CDK17: variants seen among roughly 807,000 people sequenced by gnomAD.
The protein encoded by CDK17 is cyclin-dependent kinase 17.
CDK17 carries 24 observed loss-of-function variants against 77.6 expected under a neutral mutation model. That is an observed-to-expected ratio of 0.31 (90% CI 0.22 to 0.44). CDK17 has a LOEUF of 0.44. Ranked by LOEUF, CDK17 falls within the 20% of genes least tolerant of loss-of-function variation. CDK17 has a pLI of 1.00. For missense variants in CDK17, 429 were observed against 622.5 expected, an observed-to-expected ratio of 0.69 and a Z score of 3.31; for synonymous variants, 203 against 210.4, an observed-to-expected ratio of 0.96 and a Z score of 0.30.
In CDK17 at chr12:96,282,566, C is replaced by T. The variant is rs1450802570; in HGVS notation, c.1399G>A (p.Ala467Thr). 6.2e-7 allele frequency: 1 copy of T among 1,612,720 alleles called. No homozygotes were observed. Among genetic ancestry groups the T allele is most frequent in the Non-Finnish European group, 8.5e-7 (1 of 1,178,776 alleles). Residue 467 changes from alanine (A) to threonine (T), a missense_variant, in exon 15 of 17, where the codon GCC (alanine) becomes ACC (threonine). Ala to Thr is a moderately conservative substitution (Grantham distance 58, BLOSUM62 0). Transcript: ENST00000261211. The stretch of plus-strand genomic sequence containing the variant: ...CTTCGAAAGTACACATGTTTCATGG[C>T]CTCTTCAGCTGAAACCCTTTTCTTA... ...ESKKRVSAEEAMKHVYFRSLG... is the reference protein window; with the variant it reads ...ESKKRVSAEETMKHVYFRSLG...
At chr12:96,300,914 C>T (rs190152704) in intron 5 of CDK17, among the ~76,000 whole-genome samples, 1 of 139,624 alleles carries the variant, frequency 7.2e-6, no homozygotes, top group South Asian at 2.2e-4. Context: ...ACACAGTTAA[C>T]ATTCTGTCAT....
intron 6 of CDK17, 140 bp downstream of exon 6, chr12:96,300,164 T>C (rs756554363): frequency 8.9e-5 from 56 of 627,990 alleles, no homozygotes; most frequent in Non-Finnish European, 1.5e-4. Flanking sequence ...AGAAACTCTG[T>C]TACCTTTCCA....
intron 3 of CDK17, among the ~76,000 whole-genome samples, chr12:96,319,320 CAA>C (rs1453376691): frequency 8.0e-6 from 1 of 124,822 alleles, no homozygotes; most frequent in African/African-American, 3.1e-5. Context: ...GTTTACCAAC[CAA>C]AAAGAGTCCA....
chr12:96,293,275 G>A (rs1952351809), intron 10 of CDK17, among the ~76,000 whole-genome samples: 1 of 152,112 alleles, frequency 6.6e-6, no homozygotes, highest in Admixed American at 6.5e-5. Flanking sequence ...CCGGCTTCAA[G>A]TGATCCTCTC....
intron 1 of CDK17, among the ~76,000 whole-genome samples, chr12:96,370,243 A>C (rs1439883978): frequency 6.6e-6 from 1 of 152,176 alleles, no homozygotes; most frequent in Non-Finnish European, 1.5e-5. Context: ...TATTGCTTTA[A>C]TTTATTTGGT....
At chr12:96,340,901 G>A (rs1372259107) in intron 1 of CDK17, among the ~76,000 whole-genome samples, 1 of 152,066 alleles carries the variant, frequency 6.6e-6, no homozygotes, top group Non-Finnish European at 1.5e-5. Context: ...GAGGTAAACT[G>A]CATATATGGG....
At chr12:96,369,863 G>A (rs766645856) in intron 1 of CDK17, among the ~76,000 whole-genome samples, 7 of 152,172 alleles carry the variant, frequency 4.6e-5, no homozygotes, top group Non-Finnish European at 5.9e-5. Flanking sequence ...GGCGGATCAC[G>A]AGGTCAGGAG....
intron 1 of CDK17, among the ~76,000 whole-genome samples, chr12:96,381,159 A>G (rs972484207): frequency 2.6e-5 from 4 of 152,190 alleles, no homozygotes; most frequent in Non-Finnish European, 2.9e-5. Context: ...GATGCTCTCT[A>G]AGCCTTCTGA....
At chr12:96,383,519 A>T (rs1454627096) in intron 1 of CDK17, among the ~76,000 whole-genome samples, 1 of 152,188 alleles carries the variant, frequency 6.6e-6, no homozygotes. Flanking sequence ...ACTTAAAACT[A>T]AACTGTAGGG....
At chr12:96,379,956 C>A (rs747963835) in intron 1 of CDK17, among the ~76,000 whole-genome samples, 1 of 151,752 alleles carries the variant, frequency 6.6e-6, no homozygotes, top group Non-Finnish European at 1.5e-5. Flanking sequence ...ATCGCTTGAG[C>A]CAAGGAGTTT....
intron 1 of CDK17, among the ~76,000 whole-genome samples, chr12:96,374,745 C>T (rs759419717): frequency 3.3e-5 from 5 of 152,164 alleles, no homozygotes; most frequent in Non-Finnish European, 5.9e-5. Flanking sequence ...GGGCTGAATA[C>T]CAGTCAAGCA....
intron 1 of CDK17, among the ~76,000 whole-genome samples, chr12:96,397,601 TTGTAAA>T (rs1954192498): frequency 6.6e-6 from 1 of 152,190 alleles, no homozygotes; most frequent in African/African-American, 2.4e-5. Context: ...TTTTTTCTCA[TTGTAAA>T]TGTAATGTGA....
At chr12:96,283,770 G>T in intron 13 of CDK17, 125 bp from the exon 14 acceptor site, 2 of 603,934 alleles carry the variant, frequency 3.3e-6, no homozygotes, top group Non-Finnish European at 5.8e-6. Flanking sequence ...CACTCTTGTT[G>T]TCTTCAAATA....
chr12:96,362,494 C>G (rs145725128), intron 1 of CDK17, among the ~76,000 whole-genome samples: 1 of 152,264 alleles, frequency 6.6e-6, no homozygotes, highest in East Asian at 1.9e-4. Context: ...GCTAGGATTA[C>G]AGGTATGAGC....
chr12:96,297,742 ATTG>A (rs1236964940), intron 7 of CDK17, 21 bp from the exon 8 acceptor site: 5 of 1,314,864 alleles, frequency 3.8e-6, no homozygotes, highest in South Asian at 1.2e-5. Flanking sequence ...GAAAAAGAAA[ATTG>A]TTTAGTCTGT....
rs144687838 is a variant in CDK17 at position 96,339,720 on chromosome 12, G to A, written c.-29-4855C>T. 4.1e-3 allele frequency among the ~76,000 whole-genome samples: 624 copies of A among 151,960 alleles called. 3 individuals carry two copies. Among genetic ancestry groups the A allele is most frequent in the African/African-American group, 0.014 (571 of 41,434 alleles). On this transcript the variant is annotated intron_variant, in intron 1 of 16. Coordinates refer to ENST00000261211, the MANE Select transcript of CDK17 (RefSeq NM_002595.5). The stretch of plus-strand genomic sequence containing the variant: ...CGAGGTGAGCGGATCACTTGAGGCC[G>A]GGAGTTCAAGATCAGCCTGGTCAAC...
At chr12:96,333,622 C>A (rs1327191701) in intron 2 of CDK17, among the ~76,000 whole-genome samples, 1 of 145,496 alleles carries the variant, frequency 6.9e-6, no homozygotes, top group Non-Finnish European at 1.5e-5. Context: ...TGCAGTGAGC[C>A]AACATTGTGC....
At chr12:96,344,970 C>T (rs1953180465) in intron 1 of CDK17, among the ~76,000 whole-genome samples, 1 of 152,100 alleles carries the variant, frequency 6.6e-6, no homozygotes, top group Admixed American at 6.6e-5. Flanking sequence ...CCCTAATGCT[C>T]TCCCTACCCC....
intron 1 of CDK17, among the ~76,000 whole-genome samples, chr12:96,339,936 A>G (rs1377403855): frequency 1.3e-5 from 2 of 152,040 alleles, no homozygotes; most frequent in African/African-American, 4.8e-5. Context: ...CAATCAATCA[A>G]TAAAATAAAA....
Sources: allele counts gnomAD v4.1 joint callset (sites outside exome capture counted in the v4.1 genomes callset), GRCh38; gene constraint gnomAD v4.1.1; transcripts MANE v1.5; gene names NCBI Gene and HGNC (gene_info 2026-07-23, HGNC 2026-07-21).